DNAH6: variants seen among roughly 807,000 people sequenced by gnomAD.
The protein encoded by DNAH6 is axonemal beta dynein heavy chain 6.
In DNAH6, 340 loss-of-function variants were observed where a neutral mutation model predicts 491.4. The observed-to-expected ratio is 0.69, with a 90% CI of 0.63 to 0.76. DNAH6 has a LOEUF of 0.76. DNAH6 is among the 30% of genes least tolerant of loss of function. The pLI, the probability that DNAH6 is intolerant of heterozygous loss-of-function variation, is 0.00. For missense variants in DNAH6, 4,443 were observed against 4,972.2 expected (o/e 0.89, Z 3.20); for synonymous variants, 1,603 against 1,686.1 (o/e 0.95, Z 1.21).
the DNAH6 span, among the ~76,000 whole-genome samples, chr2:84,511,261 C>A: frequency 3.9e-5 from 6 of 152,204 alleles, no homozygotes; most frequent in African/African-American, 1.4e-4. Flanking sequence ...CGTACTCAAG[C>A]TTCGGCAATG....
At position 84,607,114 on chromosome 2, in the gene DNAH6, G is replaced by C; in HGVS notation, c.3294+19G>C. 6.5e-7 allele frequency: 1 copy of C among 1,546,994 alleles called. No homozygotes were observed. Among genetic ancestry groups the C allele is most frequent in the Non-Finnish European group, 8.7e-7 (1 of 1,143,194 alleles). On this transcript the variant is annotated intron_variant, in intron 21 of 76. Coordinates refer to ENST00000389394, the MANE Select transcript of DNAH6 (RefSeq NM_001370.2). Reference sequence around the variant, plus strand: ...AACACTGGTGAGTAAGAATAATTTTGATTCATACACTCAGAGAATTGGAGA... The same window carrying C: ...AACACTGGTGAGTAAGAATAATTTTCATTCATACACTCAGAGAATTGGAGA...
rs139314385 is a variant in DNAH6 at position 84,697,861 on chromosome 2, G to A, written c.7677+134G>A. On this transcript the variant is annotated intron_variant, in intron 47 of 76. Transcript: ENST00000389394. ...AATATAATTGGTTTCCTTTGTATTC[G>A]ATGTATTTTATTTTCGGTGTTTAAA... 5.9e-3 allele frequency: 5,551 copies of A among 940,566 alleles called. 29 individuals are homozygous for A. The highest frequency in any genetic ancestry group is 0.013 in the Middle Eastern group (58 of 4,464). The allele number at this position is 940,566 out of a possible 1,614,324, so 58.3% of individuals were successfully genotyped here.
At chr2:84,494,450 T>G in the DNAH6 span, among the ~76,000 whole-genome samples, 1 of 152,194 alleles carries the variant, frequency 6.6e-6, no homozygotes, top group African/African-American at 2.4e-5. Flanking sequence ...AAAATCCCAC[T>G]TTCAGTCCCA....
At chr2:84,755,541 T>C (rs1164163441) in intron 63 of DNAH6, among the ~76,000 whole-genome samples, 1 of 152,200 alleles carries the variant, frequency 6.6e-6, no homozygotes, top group African/African-American at 2.4e-5. Context: ...GTTTTAATAG[T>C]TTTTGAGTGA....
intron 65 of DNAH6, among the ~76,000 whole-genome samples, chr2:84,782,074 C>T (rs186510838): frequency 3.9e-5 from 6 of 152,218 alleles, no homozygotes; most frequent in South Asian, 2.1e-4. Flanking sequence ...TTCTGTAACC[C>T]GCATGGCAAC....
At chr2:84,716,107 G>A (rs1310019799) in intron 58 of DNAH6, among the ~76,000 whole-genome samples, 1 of 149,178 alleles carries the variant, frequency 6.7e-6, no homozygotes, top group African/African-American at 2.5e-5. Flanking sequence ...GTATATATGT[G>A]TGTATATATA....
intron 54 of DNAH6, 48 bp downstream of exon 54, chr2:84,707,764 T>C: frequency 6.8e-7 from 1 of 1,460,888 alleles, no homozygotes; most frequent in African/African-American, 1.4e-5. Flanking sequence ...CAGCTGAAAC[T>C]GGAGCCAGGG....
chr2:84,658,215 G>T (rs1249404008), intron 35 of DNAH6, 77 bp from the exon 36 acceptor site: 1 of 1,054,996 alleles, frequency 9.5e-7, no homozygotes, highest in African/African-American at 1.6e-5. Flanking sequence ...GAAATATCCA[G>T]ATTTTAACCA....
intron 11 of DNAH6, among the ~76,000 whole-genome samples, chr2:84,568,625 G>A (rs574026133): frequency 1.2e-4 from 19 of 152,190 alleles, no homozygotes; most frequent in African/African-American, 4.6e-4. Context: ...TAATACCTAG[G>A]TGATGGGTTG....
chr2:84,614,395 A>G (rs948848201), intron 22 of DNAH6, among the ~76,000 whole-genome samples: 1 of 151,998 alleles, frequency 6.6e-6, no homozygotes, highest in African/African-American at 2.4e-5. Flanking sequence ...GTAGTATACC[A>G]TGGTATATCT....
chr2:84,554,809 G>A (rs751208353), intron 10 of DNAH6, among the ~76,000 whole-genome samples: 8 of 152,226 alleles, frequency 5.3e-5, no homozygotes, highest in Admixed American at 2.0e-4. Flanking sequence ...TCCTTCACAT[G>A]GGATGCAGGT....
Position 84,713,135 on chromosome 2 carries a change from T to C in DNAH6, c.9419T>C (p.Leu3140Ser), listed in dbSNP as rs1573572738. ...TLDPALEPIL[L>S]KQIFISGGRL... ...GATCCAGCTCTAGAACCCATTCTTT[T>C]GAAACAAATTTTTATCAGTGGTGGC... is the stretch of plus-strand genomic sequence containing the variant. Residue 3140 changes from leucine to serine, a missense_variant, in exon 57 of 77, where the codon TTG becomes TCG. Leu to Ser is a moderately radical substitution (Grantham distance 145, BLOSUM62 -2). This residue lies in a region of DNAH6 where 1,463 missense variants were observed against 1,656.6 expected (regional missense o/e 0.88). Transcript: ENST00000389394. The C allele has an allele frequency of 3.9e-6, 6 of 1,551,776 alleles. No individual in the cohort carries two copies. The African/African-American group carries it at 5.5e-5, about 14-fold the overall frequency.
At position 84,718,264 on chromosome 2, in the gene DNAH6, G is replaced by T; in HGVS notation, c.9672G>T (p.Arg3224Ser). 6.4e-7 allele frequency: 1 copy of T among 1,550,956 alleles called. No homozygotes were observed. The highest frequency in any genetic ancestry group is 8.7e-7 in the Non-Finnish European group (1 of 1,146,752). The stretch of plus-strand genomic sequence containing the variant: ...AACAAAGAATTAAGCTCATCGTGAG[G>T]ATCAACACTGATAAAAACCAGTTGA... The part of the protein sequence containing the change: ...LEEQRIKLIV[R>S]INTDKNQLKT... Residue 3224 changes from arginine (R) to serine (S), a missense_variant, in exon 59 of 77, where the codon AGG becomes AGT. Transcript: ENST00000389394.
At chr2:84,817,846 C>CT (rs140418311) in intron 76 of DNAH6, among the ~76,000 whole-genome samples, 2,038 of 152,244 alleles carry the variant, frequency 0.013, 40 homozygotes, top group African/African-American at 0.046. Context: ...GCGCCAGACT[C>CT]TTTAACAAGC....
At chr2:84,494,214 C>T in the DNAH6 span, among the ~76,000 whole-genome samples, 1 of 152,216 alleles carries the variant, frequency 6.6e-6, no homozygotes, top group Admixed American at 6.5e-5. Flanking sequence ...ACGTTGGTCT[C>T]TCTCTGAGAG....
In DNAH6 at chr2:84,733,489, T is replaced by C. The variant is rs756951304; in HGVS notation, c.10252T>C (p.Trp3418Arg). Residue 3418 changes from tryptophan to arginine, a missense_variant, in exon 62 of 77, where the codon TGG (tryptophan) becomes CGG (arginine). Around this residue, in one of 3 missense-constraint regions of DNAH6, gnomAD observed 1,463 missense variants for 1,656.6 expected, o/e 0.88. Coordinates refer to ENST00000389394, the MANE Select transcript of DNAH6 (RefSeq NM_001370.2). ...AGCTCCCTGGCTACCTACTGCTACA[T>C]GGTTCGCATGCTGTGACTTGGAAGA... ...PEAPWLPTAT[W>R]FACCDLEESF... 5.2e-6 allele frequency: 8 copies of C among 1,551,534 alleles called. No homozygotes were observed. Among genetic ancestry groups the C allele is most frequent in the Non-Finnish European group, 6.1e-6 (7 of 1,146,810 alleles).
At chr2:84,503,757 G>A in the DNAH6 span, among the ~76,000 whole-genome samples, 1 of 151,278 alleles carries the variant, frequency 6.6e-6, no homozygotes, top group Non-Finnish European at 1.5e-5. Flanking sequence ...CCATGGAAAA[G>A]TCTCCTGGCA....
intron 72 of DNAH6, among the ~76,000 whole-genome samples, chr2:84,810,520 C>G (rs1349094673): frequency 6.6e-6 from 1 of 152,210 alleles, no homozygotes; most frequent in Non-Finnish European, 1.5e-5. Flanking sequence ...GAGGTGCTCA[C>G]CACGGCATGC....
At chr2:84,465,912 G>T in the DNAH6 span, among the ~76,000 whole-genome samples, 1 of 152,094 alleles carries the variant, frequency 6.6e-6, no homozygotes, top group Non-Finnish European at 1.5e-5. Flanking sequence ...ATTATACTTG[G>T]CCTGATTATT....
Sources: allele counts gnomAD v4.1 joint callset (sites outside exome capture counted in the v4.1 genomes callset), GRCh38; gene constraint gnomAD v4.1.1; regional missense constraint gnomAD v4.1.1; transcripts MANE v1.5; gene names NCBI Gene and HGNC (gene_info 2026-07-23, HGNC 2026-07-21).